Variants in ROBO2 observed in about 807,000 individuals in gnomAD.
The protein encoded by ROBO2 is roundabout homolog 2.
Under a neutral mutation model 160.8 loss-of-function variants are expected in ROBO2, and 53 were observed. That is an observed-to-expected ratio of 0.33 (90% confidence interval 0.26 to 0.41). The LOEUF is 0.41. ROBO2 is among the 10% of genes least tolerant of loss of function. ROBO2 has a pLI of 1.00. For missense variants in ROBO2, 1,577 were observed against 1,722.4 expected, an observed-to-expected ratio of 0.92 and a Z score of 1.49; for synonymous variants, 664 against 611.7, an observed-to-expected ratio of 1.09 and a Z score of -1.26.
chr3:77,405,053 T>C (rs997028396), intron 2 of ROBO2, among the ~76,000 whole-genome samples: 1 of 152,190 alleles, frequency 6.6e-6, no homozygotes, highest in Non-Finnish European at 1.5e-5. Flanking sequence ...CACGAGACTA[T>C]GAGTTTCTTG....
intron 2 of ROBO2, chr3:77,317,010 C>A (rs1301418174): frequency 2.6e-6 from 4 of 1,526,300 alleles, no homozygotes; most frequent in Non-Finnish European, 3.6e-6. Flanking sequence ...ACTTCTTGTT[C>A]ACCTTCTGGT....
chr3:76,088,674 A>G (rs74944873), intron 2 of ROBO2, among the ~76,000 whole-genome samples: 3,849 of 152,226 alleles, frequency 0.025, 161 homozygotes, highest in African/African-American at 0.087. Context: ...AACTGAATTT[A>G]AAAGAAAATA....
At chr3:76,031,357 T>A (rs546392234) in intron 2 of ROBO2, among the ~76,000 whole-genome samples, 3 of 152,128 alleles carry the variant, frequency 2.0e-5, no homozygotes, top group Non-Finnish European at 4.4e-5. Flanking sequence ...CCTTTATTTC[T>A]TTCTCTTGCC....
At chr3:76,287,752 G>A (rs1243320081) in intron 2 of ROBO2, among the ~76,000 whole-genome samples, 1 of 152,212 alleles carries the variant, frequency 6.6e-6, no homozygotes, top group Non-Finnish European at 1.5e-5. Flanking sequence ...TTCCTCATCT[G>A]TAAAATAAAG....
At chr3:76,707,833 A>G (rs926945015) in intron 2 of ROBO2, among the ~76,000 whole-genome samples, 8 of 151,694 alleles carry the variant, frequency 5.3e-5, no homozygotes, top group Non-Finnish European at 8.8e-5. Context: ...AATCTGAGTC[A>G]GAGTGATGAC....
At chr3:76,369,552 A>C (rs907342083) in intron 2 of ROBO2, among the ~76,000 whole-genome samples, 1 of 151,954 alleles carries the variant, frequency 6.6e-6, no homozygotes, top group African/African-American at 2.4e-5. Flanking sequence ...AATGCCAGCT[A>C]TATATCTCTG....
At chr3:76,759,657 C>G (rs752074308) in intron 2 of ROBO2, among the ~76,000 whole-genome samples, 2 of 147,534 alleles carry the variant, frequency 1.4e-5, no homozygotes, top group Non-Finnish European at 2.9e-5. Context: ...AAATGTCTGT[C>G]TCCTCGGATT....
At chr3:76,857,145 C>A (rs1048044525) in intron 2 of ROBO2, among the ~76,000 whole-genome samples, 2 of 152,034 alleles carry the variant, frequency 1.3e-5, no homozygotes, top group Admixed American at 1.3e-4. Flanking sequence ...GCCACCACGC[C>A]CGGATAATTT....
At chr3:77,289,255 T>C (rs897951070) in intron 2 of ROBO2, among the ~76,000 whole-genome samples, 1 of 152,132 alleles carries the variant, frequency 6.6e-6, no homozygotes, top group African/African-American at 2.4e-5. Flanking sequence ...GTAAGTTCCT[T>C]TGGAAGTGAC....
intron 2 of ROBO2, among the ~76,000 whole-genome samples, chr3:77,428,337 A>ATTTT (rs1491236295): frequency 0.044 from 5,603 of 127,466 alleles, 211 homozygotes; most frequent in African/African-American, 0.062. Flanking sequence ...AACTTAGGTA[A>ATTTT]TATTTTTTTT....
intron 2 of ROBO2, among the ~76,000 whole-genome samples, chr3:76,922,262 G>T (rs2076713508): frequency 6.6e-6 from 1 of 152,170 alleles, no homozygotes; most frequent in Admixed American, 6.5e-5. Context: ...AGTGAGCCGA[G>T]ATCGCACCAC....
intron 2 of ROBO2, among the ~76,000 whole-genome samples, chr3:76,828,692 G>T (rs937584771): frequency 6.6e-6 from 1 of 151,868 alleles, no homozygotes. Context: ...CTATGTTCTG[G>T]GGACATTTTT....
At chr3:77,366,061 A>G (rs1242234553) in intron 2 of ROBO2, among the ~76,000 whole-genome samples, 2 of 152,206 alleles carry the variant, frequency 1.3e-5, no homozygotes, top group African/African-American at 4.8e-5. Context: ...TCCTATTGTT[A>G]TAACAACTGA....
chr3:76,058,095 GTT>G (rs56303102), intron 2 of ROBO2, among the ~76,000 whole-genome samples: 1 of 150,224 alleles, frequency 6.7e-6, no homozygotes, highest in South Asian at 2.1e-4. Context: ...AGAGCTTTTT[GTT>G]TTTTTTTTCC....
intron 2 of ROBO2, among the ~76,000 whole-genome samples, chr3:76,696,523 T>C (rs1324223643): frequency 6.6e-6 from 1 of 152,124 alleles, no homozygotes; most frequent in Non-Finnish European, 1.5e-5. Context: ...TTAGAAATCA[T>C]TAACACCTGC....
intron 2 of ROBO2, among the ~76,000 whole-genome samples, chr3:77,098,783 G>A (rs1417200362): frequency 6.6e-6 from 1 of 152,086 alleles, no homozygotes. Context: ...GTGAACCCGG[G>A]AGGCGGAGCT....
At position 76,105,185 on chromosome 3, in the gene ROBO2, G is replaced by GA. The variant is rs1202379182; in HGVS notation, c.109+167594dup. On this transcript the variant is annotated intron_variant, in intron 2 of 26. Transcript: ENST00000487694. ...AATCAATTTTTTCAGCCTGTACTTA[G>GA]AAAAAAAAAAACACTATTCTGTTCT... 7.1e-3 allele frequency among the ~76,000 whole-genome samples: 1,006 copies of GA among 141,454 alleles called. 11 individuals carry two copies. The highest frequency in any genetic ancestry group is 0.021 in the African/African-American group (825 of 38,826). 92.8% of individuals were successfully genotyped at this position (141,454 alleles called of 152,430 possible). A position where few individuals can be genotyped will look rare whatever the true frequency, so the allele number is the denominator to read the frequency against.
intron 6 of ROBO2, among the ~76,000 whole-genome samples, chr3:77,538,321 G>A (rs940693828): frequency 1.1e-4 from 16 of 151,718 alleles, no homozygotes; most frequent in African/African-American, 3.1e-4. Flanking sequence ...TGGGACTACA[G>A]TCGCCGCCAC....
In ROBO2 at chr3:76,451,914, G is replaced by A. The variant is rs545567868; in HGVS notation, c.109+514312G>A. ...AACAGGAGAACCTGTTTACAATTTTGTCTTGAAAACTCATATCTACCAATT... is the reference window on the plus strand; with the variant it reads ...AACAGGAGAACCTGTTTACAATTTTATCTTGAAAACTCATATCTACCAATT... On this transcript the variant is annotated intron_variant, in intron 2 of 26. Transcript: ENST00000487694. 2.1e-4 allele frequency among the ~76,000 whole-genome samples: 32 copies of A among 152,174 alleles called. No individual in the cohort carries two copies. The South Asian group carries it at 6.2e-3, about 30-fold the overall frequency.
Sources: gnomAD v4.1 joint callset for allele counts (sites outside exome capture counted in the v4.1 genomes callset) on GRCh38, gnomAD v4.1.1 for gene constraint, MANE v1.5 for transcripts, NCBI Gene and HGNC (gene_info 2026-07-23, HGNC 2026-07-21) for gene names.